Variants in RPS6KC1 observed in about 807,000 individuals in gnomAD.
RPS6KC1 encodes the protein inactive ribosomal protein S6 kinase delta-1.
RPS6KC1 carries 54 observed loss-of-function variants against 103.8 expected under a neutral mutation model. The observed-to-expected ratio is 0.52, with a 90% CI of 0.42 to 0.65. The LOEUF is 0.65. Among genes scored for constraint, RPS6KC1 ranks in the 30% least tolerant of loss-of-function variants. The probability of loss-of-function intolerance (pLI) is 0.00; values close to 1 mark genes in which losing one functional copy is unlikely to be tolerated. For synonymous variants in RPS6KC1, 439 were observed against 438.7 expected (o/e 1.00, Z -0.01); for missense variants, 1,151 against 1,253.8 (o/e 0.92, Z 1.24).
rs756439990 is a variant in RPS6KC1, at chr1:213,241,173, G to C, written c.1697G>C (p.Arg566Thr). Residue 566 changes from arginine to threonine, a missense_variant, in exon 11 of 15, where the codon AGA becomes ACA. By Grantham distance (71) the Arg-to-Thr change is moderately conservative. Coordinates refer to ENST00000366960, the MANE Select transcript of RPS6KC1 (RefSeq NM_012424.6). ...AGTGACAGCCCCAGCACACAGCTGA[G>C]AGCTCACGAGCTGAAGTTCTTCCCC... ...ADSDSPSTQL[R>T]AHELKFFPND... The C allele has an allele frequency of 1.2e-5, 20 of 1,613,900 alleles. No individual in the cohort carries two copies. The highest frequency in any genetic ancestry group is 3.3e-5 in the Admixed American group (2 of 59,944).
intron 8 of RPS6KC1, among the ~76,000 whole-genome samples, chr1:213,209,216 C>T (rs1473115658): frequency 2.0e-5 from 3 of 152,084 alleles, no homozygotes; most frequent in Non-Finnish European, 2.9e-5. Context: ...TCAGTAGCCC[C>T]GCTCACTTTC....
At chr1:213,620,537 C>T in the RPS6KC1 span, among the ~76,000 whole-genome samples, 47 of 152,344 alleles carry the variant, frequency 3.1e-4, no homozygotes, top group African/African-American at 1.1e-3. Flanking sequence ...TTCTGCCCCA[C>T]TCTACTAGCC....
At chr1:213,703,769 T>A in the RPS6KC1 span, among the ~76,000 whole-genome samples, 2 of 152,192 alleles carry the variant, frequency 1.3e-5, no homozygotes, top group Non-Finnish European at 2.9e-5. Context: ...TATCCTTTAC[T>A]TTGGGGAGTT....
chr1:213,256,095 A>G (rs1010505734), intron 12 of RPS6KC1, among the ~76,000 whole-genome samples: 9 of 152,218 alleles, frequency 5.9e-5, no homozygotes, highest in Non-Finnish European at 1.2e-4. Context: ...CTACTACTCC[A>G]GTCAGATTAA....
rs12753066 is a variant in RPS6KC1, at chr1:213,228,045, A to T, written c.1045-2452A>T. On this transcript the variant is annotated intron_variant, in intron 8 of 14. Transcript: ENST00000366960. ...ATCCTGCCTTTACAGCATGCCCATA[A>T]AGAGCTCGAAGTCTCACTGGGAGAC... Among the ~76,000 whole-genome samples, 1,186 of 152,272 alleles carry T rather than the reference A, an allele frequency of 7.8e-3. 6 individuals carry two copies. Among genetic ancestry groups the T allele is most frequent in the Non-Finnish European group, 0.013 (873 of 68,018 alleles).
intron 8 of RPS6KC1, among the ~76,000 whole-genome samples, chr1:213,206,750 G>A (rs1366115018): frequency 2.0e-5 from 3 of 152,122 alleles, no homozygotes; most frequent in Non-Finnish European, 2.9e-5. Context: ...CTTAAAATTG[G>A]CCTAAATTAC....
intron 8 of RPS6KC1, among the ~76,000 whole-genome samples, chr1:213,196,898 G>A (rs774624537): frequency 2.0e-5 from 3 of 152,220 alleles, no homozygotes; most frequent in African/African-American, 4.8e-5. Flanking sequence ...GTGCAATGGC[G>A]CGATCTCGGC....
chr1:213,591,713 G>T, the RPS6KC1 span, among the ~76,000 whole-genome samples: 1 of 152,198 alleles, frequency 6.6e-6, no homozygotes, highest in Non-Finnish European at 1.5e-5. Context: ...TATTAGGGGG[G>T]TGCTTTTGGG....
chr1:213,174,884 T>A (rs1200141765), intron 7 of RPS6KC1, among the ~76,000 whole-genome samples: 1 of 152,142 alleles, frequency 6.6e-6, no homozygotes, highest in Non-Finnish European at 1.5e-5. Context: ...TTGAAATGTA[T>A]CTAAGAAGCA....
At chr1:213,471,791 A>G in the RPS6KC1 span, among the ~76,000 whole-genome samples, 6 of 151,582 alleles carry the variant, frequency 4.0e-5, no homozygotes, top group African/African-American at 1.2e-4. Flanking sequence ...TTTGTGTTCA[A>G]CCCCCAAAAA....
At chr1:213,770,774 A>G in the RPS6KC1 span, among the ~76,000 whole-genome samples, 1 of 152,228 alleles carries the variant, frequency 6.6e-6, no homozygotes, top group Non-Finnish European at 1.5e-5. Context: ...TCTTTATGCC[A>G]TCCTTTCAGA....
chr1:213,833,998 A>G, the RPS6KC1 span, among the ~76,000 whole-genome samples: 1 of 152,216 alleles, frequency 6.6e-6, no homozygotes, highest in Admixed American at 6.5e-5. Context: ...AAATGAGGTT[A>G]AATAAATTAA....
chr1:213,730,070 C>T, the RPS6KC1 span, among the ~76,000 whole-genome samples: 42 of 152,238 alleles, frequency 2.8e-4, 1 homozygote, highest in South Asian at 8.5e-3. Context: ...TAATGACCTC[C>T]CACTCCATCC....
intron 8 of RPS6KC1, among the ~76,000 whole-genome samples, chr1:213,227,310 GT>G (rs2093984731): frequency 6.6e-6 from 1 of 152,168 alleles, no homozygotes; most frequent in Admixed American, 6.5e-5. Flanking sequence ...AACTTTTAGA[GT>G]TGAATTCACT....
At chr1:213,117,911 A>C (rs537151355) in intron 5 of RPS6KC1, among the ~76,000 whole-genome samples, 109 of 150,866 alleles carry the variant, frequency 7.2e-4, no homozygotes, top group Non-Finnish European at 1.4e-3. Flanking sequence ...AATCCTAGCT[A>C]CTAGGGAGGC....
chr1:213,198,643 A>G (rs1214003932), intron 8 of RPS6KC1, among the ~76,000 whole-genome samples: 2 of 152,256 alleles, frequency 1.3e-5, no homozygotes, highest in African/African-American at 4.8e-5. Context: ...CTCAAATGGG[A>G]AGAATAGACT....
the RPS6KC1 span, among the ~76,000 whole-genome samples, chr1:213,455,003 CA>C: frequency 3.3e-5 from 5 of 152,176 alleles, no homozygotes; most frequent in Non-Finnish European, 5.9e-5. Flanking sequence ...ACAGGTGCCT[CA>C]GGGAGCGTCC....
At chr1:213,620,803 G>A in the RPS6KC1 span, among the ~76,000 whole-genome samples, 1 of 152,136 alleles carries the variant, frequency 6.6e-6, no homozygotes, top group Non-Finnish European at 1.5e-5. Flanking sequence ...AATCCAGCTG[G>A]TTTGACTCCA....
the RPS6KC1 span, among the ~76,000 whole-genome samples, chr1:213,299,267 T>C: frequency 6.6e-6 from 1 of 152,192 alleles, no homozygotes; most frequent in South Asian, 2.1e-4. Flanking sequence ...AAATATACTG[T>C]GGCCAGGCAC....
Sources: allele counts gnomAD v4.1 joint callset (sites outside exome capture counted in the v4.1 genomes callset), GRCh38; gene constraint gnomAD v4.1.1; transcripts MANE v1.5; gene names NCBI Gene and HGNC (gene_info 2026-07-23, HGNC 2026-07-21).